METTL16: variants seen among roughly 807,000 people sequenced by gnomAD.
METTL16 encodes RNA N(6)-adenosine-methyltransferase METTL16.
A neutral mutation model predicts 57.9 loss-of-function variants in METTL16; 19 were observed. The observed-to-expected ratio is 0.33, with a 90% CI of 0.23 to 0.48. METTL16 has a LOEUF of 0.48. Ranked by LOEUF, METTL16 falls within the 20% of genes least tolerant of loss-of-function variation. METTL16 has a pLI of 0.99. For synonymous variants in METTL16, 246 were observed against 255.6 expected (o/e 0.96, Z 0.36); for missense variants, 434 against 691.5 (o/e 0.63, Z 4.18).
intron 3 of METTL16, among the ~76,000 whole-genome samples, chr17:2,474,933 C>T (rs1304723027): frequency 6.6e-6 from 1 of 151,772 alleles, no homozygotes; most frequent in East Asian, 1.9e-4. Flanking sequence ...CTCTCTCTTA[C>T]AATATTGACT....
intron 3 of METTL16, chr17:2,475,096 A>C (rs2067260502): frequency 6.6e-6 from 1 of 152,216 alleles, no homozygotes; most frequent in Non-Finnish European, 1.5e-5. Flanking sequence ...TGCCAGGAAG[A>C]AGCAGAGGCT....
At position 2,418,231 on chromosome 17, in the gene METTL16, C is replaced by G. The variant is rs1320727554; in HGVS notation, c.*1739G>C. 6.6e-6 allele frequency: 1 copy of G among 151,702 alleles called. No individual in the cohort carries two copies. Among genetic ancestry groups the G allele is most frequent in the African/African-American group, 2.4e-5 (1 of 41,222 alleles). 9.4% of individuals were successfully genotyped at this position (151,702 alleles called of 1,614,324 possible). A position where few individuals can be genotyped will look rare whatever the true frequency, so the allele number is the denominator to read the frequency against. Reference sequence around the variant, plus strand: ...ACACACACACACACACACATGCTCACAGAGCTTTTAGAAGTAACTCTAGGA... The same window carrying G: ...ACACACACACACACACACATGCTCAGAGAGCTTTTAGAAGTAACTCTAGGA... On this transcript the variant is annotated 3_prime_UTR_variant, in exon 10 of 10. Coordinates refer to ENST00000263092, the MANE Select transcript of METTL16 (RefSeq NM_024086.4).
chr17:2,438,076 C>T (rs2066921457), intron 8 of METTL16, 33 bp downstream of exon 8: 1 of 1,450,706 alleles, frequency 6.9e-7, no homozygotes. Flanking sequence ...CATGTGCTGG[C>T]AGGTGGTGAA....
rs140095513 is a variant in METTL16 at position 2,494,052 on chromosome 17, T to C, written c.128+8152A>G. On this transcript the variant is annotated intron_variant, in intron 2 of 9. Transcript: ENST00000263092. ...TTTTAAAGATTACTTTTAATTTCTT[T>C]TCTTTTTGTTTTTGACAGAGTCTCG... 4.0e-3 allele frequency among the ~76,000 whole-genome samples: 603 copies of C among 152,324 alleles called. 6 individuals are homozygous for C. The highest frequency in any genetic ancestry group is 6.0e-3 in the Non-Finnish European group (405 of 68,022).
intron 2 of METTL16, among the ~76,000 whole-genome samples, chr17:2,480,665 G>A (rs2067299290): frequency 6.6e-6 from 1 of 152,206 alleles, no homozygotes; most frequent in African/African-American, 2.4e-5. Context: ...AAGGAAGATA[G>A]AAACAAATCA....
At chr17:2,479,624 C>T (rs908021933) in intron 2 of METTL16, among the ~76,000 whole-genome samples, 1 of 152,060 alleles carries the variant, frequency 6.6e-6, no homozygotes, top group African/African-American at 2.4e-5. Flanking sequence ...TTTCTGCTCC[C>T]CTGCCTGGTC....
At chr17:2,507,079 G>A (rs559324619) in intron 1 of METTL16, among the ~76,000 whole-genome samples, 67 of 151,394 alleles carry the variant, frequency 4.4e-4, no homozygotes, top group East Asian at 2.2e-3. Context: ...GGAGGTGGGG[G>A]TCAGCCCCCC....
chr17:2,436,081 G>A (rs896731405), intron 8 of METTL16, among the ~76,000 whole-genome samples: 2 of 152,100 alleles, frequency 1.3e-5, no homozygotes, highest in African/African-American at 4.8e-5. Flanking sequence ...TGGGAGGCGG[G>A]TGAAGCAGAA....
chr17:2,433,117 G>A (rs1207019472), intron 8 of METTL16, among the ~76,000 whole-genome samples: 1 of 152,226 alleles, frequency 6.6e-6, no homozygotes, highest in African/African-American at 2.4e-5. Flanking sequence ...TCCAGAGGAA[G>A]GGAGAGATGT....
chr17:2,506,444 C>A (rs948653328), intron 1 of METTL16, among the ~76,000 whole-genome samples: 4 of 151,888 alleles, frequency 2.6e-5, no homozygotes, highest in Admixed American at 2.0e-4. Context: ...CGCCGCCACG[C>A]CTGACTGGTT....
At chr17:2,428,527 C>CAAAAAAA (rs533793602) in intron 8 of METTL16, among the ~76,000 whole-genome samples, 4 of 21,074 alleles carry the variant, frequency 1.9e-4, no homozygotes, top group Non-Finnish European at 2.5e-4. Flanking sequence ...GACTCCGTCT[C>CAAAAAAA]AAAAAAAAAA....
intron 3 of METTL16, among the ~76,000 whole-genome samples, chr17:2,476,952 G>A (rs1160050083): frequency 5.8e-5 from 8 of 137,758 alleles, no homozygotes; most frequent in Non-Finnish European, 1.1e-4. Flanking sequence ...GCAAAATTCC[G>A]TTTCAAAAAA....
At chr17:2,435,885 A>T (rs1409193234) in intron 8 of METTL16, among the ~76,000 whole-genome samples, 1 of 151,434 alleles carries the variant, frequency 6.6e-6, no homozygotes. Context: ...AGAGGAGAGG[A>T]GGGGAGGGAA....
chr17:2,430,462 C>T (rs1252990259), intron 8 of METTL16, among the ~76,000 whole-genome samples: 1 of 134,914 alleles, frequency 7.4e-6, no homozygotes, highest in African/African-American at 2.9e-5. Context: ...GTCGCCCAGG[C>T]TGGAGTGCAG....
chr17:2,483,017 T>A (rs2067317829), intron 2 of METTL16, among the ~76,000 whole-genome samples: 1 of 148,772 alleles, frequency 6.7e-6, no homozygotes, highest in Admixed American at 6.6e-5. Context: ...TCAGATCATA[T>A]AGTGTTAAAA....
intron 6 of METTL16, among the ~76,000 whole-genome samples, chr17:2,444,765 G>A (rs2066981938): frequency 6.7e-6 from 1 of 149,136 alleles, no homozygotes; most frequent in African/African-American, 2.5e-5. Context: ...CCAGGCTGCA[G>A]TGCAGTGGCG....
chr17:2,499,146 A>G (rs935389220), intron 2 of METTL16, among the ~76,000 whole-genome samples: 8 of 151,614 alleles, frequency 5.3e-5, no homozygotes, highest in Non-Finnish European at 1.0e-4. Flanking sequence ...TTAACGGCTT[A>G]TGTATTTGTC....
rs535159482 is a variant in METTL16 at position 2,441,493 on chromosome 17, T to C, written c.795A>G (p.Gln265=). The C allele has an allele frequency of 1.4e-4, 227 of 1,594,660 alleles. 1 individual carries two copies. The South Asian group carries it at 1.8e-3, about 13-fold the overall frequency. ...LAPLKEELRI[Q]GVPKVTYTEF... ...AACAGTAATGAGGAAGCCTCACCCC[T>C]TGTATGCGAAGCTCCTCCTTCAGAG... is the stretch of plus-strand genomic sequence containing the variant. The change falls in exon 7 of 10, where the codon CAA becomes CAG. Residue 265 remains glutamine (Q), a synonymous_variant. Transcript: ENST00000263092.
chr17:2,421,481 G>A (rs1009790495), intron 8 of METTL16, among the ~76,000 whole-genome samples: 1 of 152,234 alleles, frequency 6.6e-6, no homozygotes. Flanking sequence ...ACTGCAGTTA[G>A]GACTGAACGC....
Sources: allele counts gnomAD v4.1 joint callset (sites outside exome capture counted in the v4.1 genomes callset), GRCh38; gene constraint gnomAD v4.1.1; transcripts MANE v1.5; gene names NCBI Gene and HGNC (gene_info 2026-07-23, HGNC 2026-07-21).